The following CSMD1 variants were observed in gnomAD, a reference collection of about 807,000 sequenced individuals.
CSMD1 encodes CUB and Sushi multiple domains 1.
A neutral mutation model predicts 417.5 loss-of-function variants in CSMD1; 213 were observed. That is an observed-to-expected ratio of 0.51 (90% CI 0.46 to 0.57). CSMD1 has a LOEUF of 0.57. CSMD1 is among the 20% of genes least tolerant of loss of function. CSMD1 has a pLI of 0.00. For synonymous variants in CSMD1, 2,862 were observed against 1,736.8 expected (o/e 1.65, Z -16.11); for missense variants, 6,923 against 4,529.7 (o/e 1.53, Z -15.17).
chr8:3,600,720 C>G (rs940370260), intron 8 of CSMD1, among the ~76,000 whole-genome samples: 5 of 152,010 alleles, frequency 3.3e-5, no homozygotes, highest in Non-Finnish European at 5.9e-5. Flanking sequence ...ACTGAGGGAT[C>G]CAGGCACCCA....
At chr8:3,525,319 G>T (rs1033899514) in intron 10 of CSMD1, among the ~76,000 whole-genome samples, 2 of 152,160 alleles carry the variant, frequency 1.3e-5, no homozygotes, top group Non-Finnish European at 2.9e-5. Flanking sequence ...AGCATTTCCA[G>T]TGAGAAGGGC....
intron 5 of CSMD1, among the ~76,000 whole-genome samples, chr8:3,892,964 G>T (rs576307251): frequency 1.1e-4 from 11 of 98,446 alleles, no homozygotes; most frequent in Non-Finnish European, 2.4e-4. Context: ...TCTGACCACA[G>T]TGATAAAAAA....
At chr8:3,735,938 G>C (rs1796502197) in intron 6 of CSMD1, among the ~76,000 whole-genome samples, 2 of 151,672 alleles carry the variant, frequency 1.3e-5, no homozygotes, top group East Asian at 1.9e-4. Flanking sequence ...TTTCTTGCTA[G>C]GGAAAGAAAA....
chr8:3,147,885 A>T (rs1166439655), intron 40 of CSMD1, among the ~76,000 whole-genome samples: 1 of 152,232 alleles, frequency 6.6e-6, no homozygotes, highest in East Asian at 1.9e-4. Context: ...TTAACTGGTT[A>T]CTTGCGTGAA....
At chr8:4,072,003 G>A (rs939555003) in intron 3 of CSMD1, among the ~76,000 whole-genome samples, 3 of 152,266 alleles carry the variant, frequency 2.0e-5, no homozygotes, top group African/African-American at 4.8e-5. Flanking sequence ...TCATTTTCTG[G>A]TGGATGTGGT....
chr8:4,652,451 C>T (rs1803954517), intron 1 of CSMD1, among the ~76,000 whole-genome samples: 1 of 152,092 alleles, frequency 6.6e-6, no homozygotes, highest in East Asian at 1.9e-4. Flanking sequence ...CAAGCGGGGT[C>T]AGTGCATGCA....
intron 3 of CSMD1, among the ~76,000 whole-genome samples, chr8:4,340,810 C>T (rs1027801010): frequency 2.6e-5 from 4 of 152,076 alleles, no homozygotes; most frequent in African/African-American, 7.2e-5. Flanking sequence ...AACTATGCTG[C>T]TTACCCACTT....
chr8:4,318,964 T>A (rs1799102430), intron 3 of CSMD1, among the ~76,000 whole-genome samples: 1 of 152,164 alleles, frequency 6.6e-6, no homozygotes, highest in Non-Finnish European at 1.5e-5. Flanking sequence ...GAAAGCACAA[T>A]AATGACAATC....
intron 7 of CSMD1, among the ~76,000 whole-genome samples, chr8:3,629,894 G>C (rs998954584): frequency 2.0e-5 from 3 of 152,244 alleles, no homozygotes; most frequent in African/African-American, 4.8e-5. Flanking sequence ...TTTTCACTTA[G>C]AAAAAAGTAG....
intron 12 of CSMD1, among the ~76,000 whole-genome samples, chr8:3,432,860 G>C (rs1234462722): frequency 6.6e-6 from 1 of 152,044 alleles, no homozygotes; most frequent in African/African-American, 2.4e-5. Flanking sequence ...AAATGGATCT[G>C]CTTAAATATA....
chr8:4,441,277 T>C (rs1798464111), intron 2 of CSMD1, among the ~76,000 whole-genome samples: 2 of 142,794 alleles, frequency 1.4e-5, no homozygotes, highest in Non-Finnish European at 3.1e-5. Flanking sequence ...TTTTTTTTTT[T>C]TTTTTGGTGG....
chr8:4,697,554 T>C (rs1302158558), intron 1 of CSMD1, among the ~76,000 whole-genome samples: 3 of 152,118 alleles, frequency 2.0e-5, no homozygotes, highest in East Asian at 1.9e-4. Flanking sequence ...ATGTCGACGA[T>C]AGCAAAACAA....
chr8:4,860,849 G>A (rs150933484), intron 1 of CSMD1, among the ~76,000 whole-genome samples: 23 of 152,110 alleles, frequency 1.5e-4, no homozygotes, highest in South Asian at 6.2e-4. Context: ...TTATTTCTGC[G>A]TAAAAACGTT....
intron 5 of CSMD1, among the ~76,000 whole-genome samples, chr8:3,916,378 T>A (rs558864209): frequency 8.5e-5 from 13 of 152,250 alleles, no homozygotes; most frequent in African/African-American, 3.1e-4. Flanking sequence ...ACATAGGAGG[T>A]AATTCCATGA....
intron 1 of CSMD1, among the ~76,000 whole-genome samples, chr8:4,943,841 C>T (rs1229107036): frequency 6.6e-6 from 1 of 152,102 alleles, no homozygotes; most frequent in Admixed American, 6.5e-5. Flanking sequence ...CAGAACAAAT[C>T]GAAGCCAAGA....
intron 3 of CSMD1, among the ~76,000 whole-genome samples, chr8:4,077,296 T>TAC (rs1563092756): frequency 3.2e-4 from 27 of 85,280 alleles, no homozygotes; most frequent in African/African-American, 1.1e-3. Flanking sequence ...TATATATATG[T>TAC]GTATATATAT....
At chr8:4,992,300 G>C (rs1811512676) in intron 1 of CSMD1, among the ~76,000 whole-genome samples, 1 of 152,152 alleles carries the variant, frequency 6.6e-6, no homozygotes, top group Non-Finnish European at 1.5e-5. Context: ...CGGCACACAC[G>C]TGTGCGGATT....
At chr8:3,775,968 T>C (rs1371731045) in intron 5 of CSMD1, among the ~76,000 whole-genome samples, 1 of 152,234 alleles carries the variant, frequency 6.6e-6, no homozygotes, top group Non-Finnish European at 1.5e-5. Context: ...ATTCATGTCA[T>C]CAGCCCAGGC....
chr8:3,150,705 T>C (rs1478283620), intron 40 of CSMD1, among the ~76,000 whole-genome samples: 2 of 151,900 alleles, frequency 1.3e-5, no homozygotes, highest in Non-Finnish European at 2.9e-5. Flanking sequence ...GTAGAGAAAA[T>C]CACAAGTAGG....
Sources: gnomAD v4.1 joint callset for allele counts (sites outside exome capture counted in the v4.1 genomes callset) on GRCh38, gnomAD v4.1.1 for gene constraint, MANE v1.5 for transcripts, NCBI Gene and HGNC (gene_info 2026-07-23, HGNC 2026-07-21) for gene names.